NLGN1: variants seen among roughly 807,000 people sequenced by gnomAD.
NLGN1 encodes the protein neuroligin-1.
A neutral mutation model predicts 65.5 loss-of-function variants in NLGN1; 12 were observed. The ratio of observed to expected loss-of-function variants is 0.18; its 90% CI spans 0.12 to 0.30. The LOEUF (loss-of-function observed/expected upper bound fraction) is 0.30, where lower values mean the gene tolerates loss of function less well. Ranked by LOEUF, NLGN1 falls within the 10% of genes least tolerant of loss-of-function variation. NLGN1 has a pLI of 1.00. For synonymous variants in NLGN1, 350 were observed against 359.5 expected, an observed-to-expected ratio of 0.97 and a Z score of 0.30; for missense variants, 750 against 1,007.1, an observed-to-expected ratio of 0.74 and a Z score of 3.46.
chr3:174,236,231 T>A (rs1203990087), intron 4 of NLGN1, among the ~76,000 whole-genome samples: 2 of 152,154 alleles, frequency 1.3e-5, no homozygotes, highest in Non-Finnish European at 2.9e-5. Flanking sequence ...TGTGGTTCAA[T>A]ACCAGTATGT....
At chr3:174,131,895 A>T (rs1720272337) in intron 4 of NLGN1, among the ~76,000 whole-genome samples, 1 of 152,228 alleles carries the variant, frequency 6.6e-6, no homozygotes. Flanking sequence ...AAATCTCAAC[A>T]GGTTCATACT....
intron 4 of NLGN1, among the ~76,000 whole-genome samples, chr3:173,822,808 T>C (rs1200786201): frequency 6.6e-6 from 1 of 152,238 alleles, no homozygotes; most frequent in African/African-American, 2.4e-5. Flanking sequence ...TTTAAAATGA[T>C]ACCATATAAT....
chr3:173,818,211 AGAGT>A (rs1335902279), intron 4 of NLGN1, among the ~76,000 whole-genome samples: 1 of 152,212 alleles, frequency 6.6e-6, no homozygotes. Flanking sequence ...TCTGGACCTC[AGAGT>A]GAGTGAGAAA....
At chr3:173,408,351 T>G (rs1026835270) in intron 1 of NLGN1, among the ~76,000 whole-genome samples, 1 of 152,172 alleles carries the variant, frequency 6.6e-6, no homozygotes, top group African/African-American at 2.4e-5. Flanking sequence ...TTGGTCATAC[T>G]CACCATCACT....
Position 173,758,982 on chromosome 3 carries a change from A to G in NLGN1, c.494-48698A>G, listed in dbSNP as rs111829455. 5.9e-4 allele frequency among the ~76,000 whole-genome samples: 89 copies of G among 151,952 alleles called. 1 individual carries two copies. Among genetic ancestry groups the G allele is most frequent in the African/African-American group, 2.1e-3 (87 of 41,526 alleles). On this transcript the variant is annotated intron_variant, in intron 3 of 6. Transcript: ENST00000457714. ...TCCTAATTTTATTGCCTTTATTGAT[A>G]AATTCTTAATTTTGCACTTAGGTAC...
intron 3 of NLGN1, among the ~76,000 whole-genome samples, chr3:173,667,241 A>ACACACACACACG (rs1761837574): frequency 3.4e-5 from 5 of 146,182 alleles, no homozygotes; most frequent in African/African-American, 1.2e-4. Flanking sequence ...ACGCATATGC[A>ACACACACACACG]CACACACACA....
intron 4 of NLGN1, among the ~76,000 whole-genome samples, chr3:173,956,586 G>T (rs574929274): frequency 6.6e-6 from 1 of 152,114 alleles, no homozygotes; most frequent in East Asian, 1.9e-4. Context: ...CTTCACTGGG[G>T]ACTCTTCCCC....
chr3:173,770,720 T>A (rs762480350), intron 3 of NLGN1, among the ~76,000 whole-genome samples: 3 of 152,066 alleles, frequency 2.0e-5, no homozygotes, highest in Non-Finnish European at 4.4e-5. Context: ...CCTTTCAAAG[T>A]CTCAGTTTCC....
At chr3:173,742,016 C>T (rs943363648) in intron 3 of NLGN1, among the ~76,000 whole-genome samples, 2 of 152,102 alleles carry the variant, frequency 1.3e-5, no homozygotes, top group African/African-American at 4.8e-5. Context: ...CTAATTTTTA[C>T]ATCAACTAAG....
intron 3 of NLGN1, among the ~76,000 whole-genome samples, chr3:173,666,676 A>G (rs761241581): frequency 3.3e-5 from 5 of 152,174 alleles, no homozygotes; most frequent in Admixed American, 6.6e-5. Flanking sequence ...TTGTACATTC[A>G]TTGCTGTCCT....
chr3:173,539,634 A>AGATATAG (rs778238799), intron 2 of NLGN1, among the ~76,000 whole-genome samples: 47,384 of 131,216 alleles, frequency 0.36, 9,960 homozygotes, highest in East Asian at 0.8. Context: ...TTATATATAC[A>AGATATAG]CATATATACA....
chr3:173,555,190 A>G (rs889177814), intron 2 of NLGN1, among the ~76,000 whole-genome samples: 8 of 152,250 alleles, frequency 5.3e-5, no homozygotes, highest in Admixed American at 3.3e-4. Flanking sequence ...TTTGTGAAAT[A>G]TATCTTAAAA....
At chr3:173,842,295 G>A (rs1724939355) in intron 4 of NLGN1, among the ~76,000 whole-genome samples, 1 of 152,096 alleles carries the variant, frequency 6.6e-6, no homozygotes, top group Non-Finnish European at 1.5e-5. Context: ...ACATTTTGGT[G>A]GGGACACAGA....
At chr3:173,765,822 C>T (rs929770862) in intron 3 of NLGN1, among the ~76,000 whole-genome samples, 2 of 152,114 alleles carry the variant, frequency 1.3e-5, no homozygotes, top group African/African-American at 4.8e-5. Context: ...TTCCATTCTG[C>T]TCATTTTGTT....
At chr3:174,292,259 G>A in the NLGN1 span, among the ~76,000 whole-genome samples, 1 of 151,160 alleles carries the variant, frequency 6.6e-6, no homozygotes, top group Non-Finnish European at 1.5e-5. Flanking sequence ...CCAGATTGTG[G>A]TTTTAAAAGA....
chr3:173,437,604 A>G (rs1186134475), intron 2 of NLGN1, among the ~76,000 whole-genome samples: 2 of 152,170 alleles, frequency 1.3e-5, no homozygotes, highest in East Asian at 1.9e-4. Flanking sequence ...CATTTAGCTT[A>G]GTGGACTTGA....
At chr3:174,056,537 AGC>A (rs1736122259) in intron 4 of NLGN1, among the ~76,000 whole-genome samples, 3 of 151,962 alleles carry the variant, frequency 2.0e-5, no homozygotes, top group African/African-American at 7.2e-5. Flanking sequence ...CTCTCACTGG[AGC>A]AGGTTTTACT....
At chr3:173,440,692 T>C (rs1577472672) in intron 2 of NLGN1, among the ~76,000 whole-genome samples, 1 of 152,150 alleles carries the variant, frequency 6.6e-6, no homozygotes, top group Non-Finnish European at 1.5e-5. Flanking sequence ...TGTAAAGAGA[T>C]GTGCTGTCAT....
intron 3 of NLGN1, among the ~76,000 whole-genome samples, chr3:173,764,965 A>C (rs1778528557): frequency 6.6e-6 from 1 of 152,142 alleles, no homozygotes; most frequent in Admixed American, 6.5e-5. Context: ...ATTAGAAAGA[A>C]AATATTTTTA....
Sources: gnomAD v4.1 joint callset for allele counts (sites outside exome capture counted in the v4.1 genomes callset) on GRCh38, gnomAD v4.1.1 for gene constraint, MANE v1.5 for transcripts, NCBI Gene and HGNC (gene_info 2026-07-23, HGNC 2026-07-21) for gene names.